Variants in ZBTB8A observed in about 807,000 individuals in gnomAD.
The protein encoded by ZBTB8A is zinc finger and BTB domain-containing protein 8A.
Under a neutral mutation model 37.8 loss-of-function variants are expected in ZBTB8A, and 19 were observed. That is an observed-to-expected ratio of 0.50 (90% CI 0.35 to 0.74). The LOEUF (loss-of-function observed/expected upper bound fraction) is 0.74, where lower values mean the gene tolerates loss of function less well. Among genes scored for constraint, ZBTB8A ranks in the 30% least tolerant of loss-of-function variants. The pLI, the probability that ZBTB8A is intolerant of heterozygous loss-of-function variation, is 0.01. For missense variants in ZBTB8A, 394 were observed against 537.8 expected (o/e 0.73, Z 2.65); for synonymous variants, 181 against 185.2 (o/e 0.98, Z 0.19).
intron 2 of ZBTB8A, among the ~76,000 whole-genome samples, chr1:32,575,821 C>G (rs1003115229): frequency 2.6e-5 from 4 of 152,124 alleles, no homozygotes; most frequent in African/African-American, 9.7e-5. Context: ...CCACTGAACT[C>G]CAGCCTGGAC....
chr1:32,586,927 C>A (rs1481550752), intron 2 of ZBTB8A, among the ~76,000 whole-genome samples: 1 of 152,082 alleles, frequency 6.6e-6, no homozygotes, highest in Non-Finnish European at 1.5e-5. Context: ...TCAGACTAGG[C>A]TGAAGTTGCA....
intron 2 of ZBTB8A, among the ~76,000 whole-genome samples, chr1:32,575,329 C>T (rs1488585037): frequency 2.0e-5 from 3 of 146,822 alleles, no homozygotes; most frequent in Non-Finnish European, 4.5e-5. Flanking sequence ...AGGTTTCAAG[C>T]GATTCTCCTG....
intron 1 of ZBTB8A, among the ~76,000 whole-genome samples, chr1:32,540,376 C>T (rs1359077163): frequency 1.3e-5 from 2 of 152,146 alleles, no homozygotes; most frequent in Non-Finnish European, 2.9e-5. Context: ...GTCAATATCA[C>T]CTCTATGCTT....
intron 2 of ZBTB8A, among the ~76,000 whole-genome samples, chr1:32,568,548 G>A (rs1644302208): frequency 6.6e-6 from 1 of 151,992 alleles, no homozygotes; most frequent in South Asian, 2.1e-4. Context: ...CACTACGCCC[G>A]GCTAATTTTT....
rs111822738 is a variant in ZBTB8A, at chr1:32,579,992, A to G, written c.-1-12939A>G. On this transcript the variant is annotated intron_variant, in intron 2 of 4. Transcript: ENST00000373510. ...AGTTATCTTGTCTAATTCATTGGCT[A>G]GTACTTCCAGGACAATGTTAAATAA... Among the ~76,000 whole-genome samples the G allele has an allele frequency of 2.5e-3, 379 of 152,290 alleles. 1 individual carries two copies. Among genetic ancestry groups the G allele is most frequent in the African/African-American group, 8.6e-3 (358 of 41,570 alleles).
In ZBTB8A at chr1:32,602,886, C is replaced by G. The variant is rs1344017411; in HGVS notation, c.*2467C>G. ...TATTTTTAAATGCCATGACATACCTCAAAATTATCCTTTTTATGTTACTAT... is the reference window on the plus strand; with the variant it reads ...TATTTTTAAATGCCATGACATACCTGAAAATTATCCTTTTTATGTTACTAT... On this transcript the variant is annotated 3_prime_UTR_variant, in exon 5 of 5. Coordinates refer to ENST00000373510, the MANE Select transcript of ZBTB8A (RefSeq NM_001040441.3). 1 of 152,074 alleles carries G rather than the reference C, an allele frequency of 6.6e-6. No homozygotes were observed. Among genetic ancestry groups the G allele is most frequent in the East Asian group, 1.9e-4 (1 of 5,186 alleles). 9.4% of individuals were successfully genotyped at this position (152,074 alleles called of 1,614,324 possible).
At chr1:32,539,866 G>T (rs1456098776) in intron 1 of ZBTB8A, among the ~76,000 whole-genome samples, 1 of 123,580 alleles carries the variant, frequency 8.1e-6, no homozygotes, top group African/African-American at 3.0e-5. Context: ...GCGGGAAGGC[G>T]GCGGGGACGG....
At chr1:32,588,000 A>G (rs931430917) in intron 2 of ZBTB8A, among the ~76,000 whole-genome samples, 2 of 152,150 alleles carry the variant, frequency 1.3e-5, no homozygotes, top group African/African-American at 2.4e-5. Context: ...GAACATGTGG[A>G]GGTTCCTGGA....
chr1:32,600,563 A>G lies in ZBTB8A; in HGVS notation c.*144A>G. 1.5e-6 allele frequency: 1 copy of G among 658,560 alleles called. No homozygotes were observed. The highest frequency in any genetic ancestry group is 2.0e-5 in the South Asian group (1 of 50,774). 40.8% of individuals were successfully genotyped at this position (658,560 alleles called of 1,614,324 possible). Reference sequence around the variant, plus strand: ...TCTGATATAACTTGCATGCTTTCTGAACAGGCCATTGTATCCATTCTGAAC... The same window carrying G: ...TCTGATATAACTTGCATGCTTTCTGGACAGGCCATTGTATCCATTCTGAAC... On this transcript the variant is annotated 3_prime_UTR_variant, in exon 5 of 5. Transcript: ENST00000373510.
intron 2 of ZBTB8A, among the ~76,000 whole-genome samples, chr1:32,575,169 C>T (rs12127859): frequency 0.11 from 17,069 of 148,956 alleles, 1,083 homozygotes; most frequent in African/African-American, 0.19. Flanking sequence ...CTATTTGTTT[C>T]CTATTTATGC....
At chr1:32,548,600 C>T (rs1270258152) in intron 1 of ZBTB8A, among the ~76,000 whole-genome samples, 1 of 152,120 alleles carries the variant, frequency 6.6e-6, no homozygotes, top group Non-Finnish European at 1.5e-5. Flanking sequence ...TCCCAAAGTG[C>T]TAGGATTACA....
At position 32,600,189 on chromosome 1, in the gene ZBTB8A, A is replaced by G; in HGVS notation, c.1096A>G (p.Asn366Asp). The change falls in exon 5 of 5, where the codon AAT becomes GAT. Residue 366 changes from asparagine (N) to aspartate (D), a missense_variant. Asn to Asp is a conservative substitution (Grantham distance 23, BLOSUM62 1). This residue lies in a region of ZBTB8A where 85 missense variants were observed against 89.0 expected (regional missense o/e 0.95). Transcript: ENST00000373510. ...GGGAACCAGGCGCTACAGACTGTGT[A>G]ATGAGTGTCTTGCAGAATTTGGCAT... ...QEGTRRYRLC[N>D]ECLAEFGIDS... 6.2e-7 allele frequency: 1 copy of G among 1,614,214 alleles called. No individual in the cohort carries two copies. Among genetic ancestry groups the G allele is most frequent in the Non-Finnish European group, 8.5e-7 (1 of 1,180,032 alleles).
intron 1 of ZBTB8A, among the ~76,000 whole-genome samples, chr1:32,540,066 G>A (rs1644040437): frequency 2.0e-5 from 3 of 152,132 alleles, no homozygotes; most frequent in Admixed American, 2.0e-4. Context: ...CGAGTTTCTC[G>A]GTGCAGCCTC....
chr1:32,605,324 T>C lies in ZBTB8A; in HGVS notation c.*4905T>C, dbSNP rs1438440300. 6.6e-6 allele frequency: 1 copy of C among 152,070 alleles called. No individual in the cohort carries two copies. Among genetic ancestry groups the C allele is most frequent in the African/African-American group, 2.4e-5 (1 of 41,398 alleles). 9.4% of individuals were successfully genotyped at this position (152,070 alleles called of 1,614,324 possible). On this transcript the variant is annotated 3_prime_UTR_variant, in exon 5 of 5. Transcript: ENST00000373510. ...TAGCATTTTATATTTGCAAAGTGTT[T>C]AATAATTTTTGTTATTCTTTACATA...
Position 32,595,232 on chromosome 1 carries a change from G to A in ZBTB8A, c.993+9G>A, listed in dbSNP as rs1212621109. On this transcript the variant is annotated intron_variant, in intron 4 of 4. Coordinates refer to ENST00000373510, the MANE Select transcript of ZBTB8A (RefSeq NM_001040441.3). ...GTAGCCATTTTCGAACAGTATGTAT[G>A]ATTTTTTTTCATCGTTTTACTAATT... The A allele has an allele frequency of 6.3e-7, 1 of 1,596,962 alleles. No individual in the cohort carries two copies.
At chr1:32,555,278 A>G (rs1359031342) in intron 2 of ZBTB8A, among the ~76,000 whole-genome samples, 1 of 152,118 alleles carries the variant, frequency 6.6e-6, no homozygotes, top group African/African-American at 2.4e-5. Flanking sequence ...AGTCCCAGCT[A>G]CATGGGAGGC....
At chr1:32,585,158 G>A (rs971018968) in intron 2 of ZBTB8A, among the ~76,000 whole-genome samples, 2 of 148,582 alleles carry the variant, frequency 1.3e-5, no homozygotes, top group African/African-American at 2.5e-5. Context: ...GGCCTCCCAA[G>A]TAGCCAAGAC....
At chr1:32,589,911 T>C (rs961413747) in intron 2 of ZBTB8A, among the ~76,000 whole-genome samples, 4 of 151,928 alleles carry the variant, frequency 2.6e-5, no homozygotes, top group African/African-American at 7.3e-5. Context: ...TTGGTAATTA[T>C]CCACTTTATG....
At chr1:32,564,055 G>A (rs1312413075) in intron 2 of ZBTB8A, among the ~76,000 whole-genome samples, 1 of 152,078 alleles carries the variant, frequency 6.6e-6, no homozygotes, top group South Asian at 2.1e-4. Context: ...CCATGGGCAC[G>A]GTGAGCAGAC....
Sources: gnomAD v4.1 joint callset for allele counts (sites outside exome capture counted in the v4.1 genomes callset) on GRCh38, gnomAD v4.1.1 for gene constraint, gnomAD v4.1.1 regional missense constraint, MANE v1.5 for transcripts, NCBI Gene and HGNC (gene_info 2026-07-23, HGNC 2026-07-21) for gene names.